Variants in PCDHGA3 observed in about 807,000 individuals in gnomAD.
PCDHGA3 encodes the protein protocadherin gamma subfamily A, 3.
In PCDHGA3, 40 loss-of-function variants were observed where a neutral mutation model predicts 58.5. The ratio of observed to expected loss-of-function variants is 0.68; its 90% CI spans 0.53 to 0.89. PCDHGA3 has a LOEUF of 0.89. Ranked by LOEUF, PCDHGA3 falls within the 40% of genes least tolerant of loss-of-function variation. The pLI is 0.00. For synonymous variants in PCDHGA3, 530 were observed against 525.7 expected (o/e 1.01, Z -0.11); for missense variants, 1,223 against 1,195.9 (o/e 1.02, Z -0.33).
rs761668802 is a variant in PCDHGA3, at chr5:141,362,348, G to C, written c.2424+15891G>C. ...GGTCTCAGCTCCAAGCCTGGACCTG[G>C]GGTTCTCCCCAATTACAGTGAGGGT... On this transcript the variant is annotated intron_variant, in intron 1 of 3. Transcript: ENST00000253812. 12 of 1,613,904 alleles carry C rather than the reference G, an allele frequency of 7.4e-6. No homozygotes were observed. The highest frequency in any genetic ancestry group is 1.3e-5 in the African/African-American group (1 of 74,934).
At chr5:141,498,971 GGGAAGGAA>G (rs201769957) in intron 2 of PCDHGA3, among the ~76,000 whole-genome samples, 18,877 of 110,786 alleles carry the variant, frequency 0.17, 1,784 homozygotes, top group Admixed American at 0.31. Context: ...GAGGGAGGGA[GGGAAGGAA>G]GGAAGGAAGG....
At chr5:141,392,776 C>T in intron 1 of PCDHGA3, 1 of 1,526,772 alleles carries the variant, frequency 6.5e-7, no homozygotes, top group African/African-American at 1.4e-5. Flanking sequence ...CATTTATGCA[C>T]AGTGAAGATT....
Position 141,477,983 on chromosome 5 carries a change from C to T in PCDHGA3, c.2425-16824C>T. 1 of 1,614,126 alleles carries T rather than the reference C, an allele frequency of 6.2e-7. No individual in the cohort carries two copies. Among genetic ancestry groups the T allele is most frequent in the Non-Finnish European group, 8.5e-7 (1 of 1,180,024 alleles). ...TAACCAGAGCCTTTTTGCCATAGGGCTGCACACTGGTCAAATCAGTACTGC... is the reference window on the plus strand; with the variant it reads ...TAACCAGAGCCTTTTTGCCATAGGGTTGCACACTGGTCAAATCAGTACTGC... On this transcript the variant is annotated intron_variant, in intron 1 of 3. Coordinates refer to ENST00000253812, the MANE Select transcript of PCDHGA3 (RefSeq NM_018916.4). The surrounding 1 kb of genome is among the most constrained non-coding windows in gnomAD (Gnocchi z 4.9).
chr5:141,355,538 C>T lies in PCDHGA3; in HGVS notation c.2424+9081C>T, dbSNP rs757292300. On this transcript the variant is annotated intron_variant, in intron 1 of 3. Coordinates refer to ENST00000253812, the MANE Select transcript of PCDHGA3 (RefSeq NM_018916.4). ...AACCTGGAGATTCTTCTAGAAGATA[C>T]AGTGAAGATTTTGCGGGTAGAGGTG... The T allele has an allele frequency of 6.2e-6, 10 of 1,614,004 alleles. No individual in the cohort carries two copies. The South Asian group carries it at 7.7e-5, about 12-fold the overall frequency.
chr5:141,398,197 T>G lies in PCDHGA3; in HGVS notation c.2424+51740T>G, dbSNP rs1317220760. On this transcript the variant is annotated intron_variant, in intron 1 of 3. Transcript: ENST00000253812. Reference sequence around the variant, plus strand: ...AGTGCTCTTTCTCTTCCTGCTGTCTTTGTTCTGCCCGGCGCTCTGTGAGCA... The same window carrying G: ...AGTGCTCTTTCTCTTCCTGCTGTCTGTGTTCTGCCCGGCGCTCTGTGAGCA... 2.7e-6 allele frequency: 4 copies of G among 1,492,294 alleles called. No homozygotes were observed. The African/African-American group carries it at 4.2e-5, about 16-fold the overall frequency. The allele number at this position is 1,492,294 out of a possible 1,614,324, so 92.4% of individuals were successfully genotyped here.
rs748440631 is a variant in PCDHGA3, at chr5:141,344,409, A to T, written c.376A>T (p.Ile126Phe). The change falls in exon 1 of 4, where the codon ATT becomes TTT. Residue 126 changes from isoleucine to phenylalanine, a missense_variant. This residue lies in a region of PCDHGA3 where 791 missense variants were observed against 708.5 expected (regional missense o/e 1.12). Transcript: ENST00000253812. ...IFEVEIEIKD[I>F]NDNAPNFPTE... The stretch of plus-strand genomic sequence containing the variant: ...TGAAGTAGAAATAGAAATTAAAGAT[A>T]TTAATGATAATGCTCCTAATTTCCC... 2.5e-6 allele frequency: 4 copies of T among 1,612,176 alleles called. No individual in the cohort carries two copies. Among genetic ancestry groups the T allele is most frequent in the Non-Finnish European group, 3.4e-6 (4 of 1,178,922 alleles).
intron 1 of PCDHGA3, chr5:141,389,469 A>G: frequency 6.2e-7 from 1 of 1,613,246 alleles, no homozygotes; most frequent in Non-Finnish European, 8.5e-7. Flanking sequence ...CTTCGAACTC[A>G]CACTGCAGGC....
rs1379095967 is a variant in PCDHGA3 at position 141,422,752 on chromosome 5, A to C, written c.2425-72055A>C. The C allele has an allele frequency of 6.2e-7, 1 of 1,612,064 alleles. No homozygotes were observed. The highest frequency in any genetic ancestry group is 1.3e-5 in the African/African-American group (1 of 74,892). On this transcript the variant is annotated intron_variant, in intron 1 of 3. Transcript: ENST00000253812. The stretch of plus-strand genomic sequence containing the variant: ...GCCTCTGTCCTCCTATGTCTCTATT[A>C]ACTCCAACACTGGTGTTCTCTATGC...
Position 141,485,746 on chromosome 5 carries a change from C to T in PCDHGA3, c.2425-9061C>T, listed in dbSNP as rs1297635523. ...AGAAGCGCAGCGACGGCAGCCTGGT[C>T]CCAGAGCTGCTCCTGGAGAAGCCTT... On this transcript the variant is annotated intron_variant, in intron 1 of 3. Coordinates refer to ENST00000253812, the MANE Select transcript of PCDHGA3 (RefSeq NM_018916.4). The surrounding 1 kb of genome is among the most constrained non-coding windows in gnomAD (Gnocchi z 5.7). 6.2e-7 allele frequency: 1 copy of T among 1,614,128 alleles called. No individual in the cohort carries two copies. The highest frequency in any genetic ancestry group is 2.2e-5 in the East Asian group (1 of 44,880).
intron 1 of PCDHGA3, among the ~76,000 whole-genome samples, chr5:141,382,187 A>G (rs527857463): frequency 6.6e-6 from 1 of 152,216 alleles, no homozygotes; most frequent in Non-Finnish European, 1.5e-5. Flanking sequence ...AAGGTTCTAT[A>G]CAATCAAAAA....
At position 141,372,292 on chromosome 5, in the gene PCDHGA3, G is replaced by A. The variant is rs1768614066; in HGVS notation, c.2424+25835G>A. The A allele has an allele frequency of 4.3e-6, 7 of 1,613,164 alleles. No homozygotes were observed. The African/African-American group carries it at 5.3e-5, about 12-fold the overall frequency. ...GAGGTGCGCACGGCGCGTACCTTGGGCGACAGGGAGGCCGCCCGCCAGCGC... is the reference window on the plus strand; with the variant it reads ...GAGGTGCGCACGGCGCGTACCTTGGACGACAGGGAGGCCGCCCGCCAGCGC... On this transcript the variant is annotated intron_variant, in intron 1 of 3. Transcript: ENST00000253812.
chr5:141,414,597 C>T, intron 1 of PCDHGA3: 5 of 1,613,972 alleles, frequency 3.1e-6, no homozygotes, highest in Non-Finnish European at 3.4e-6. Flanking sequence ...GGGGTGCCTC[C>T]ATCTTCTCAG....
At chr5:141,410,473 A>G (rs1347318074) in intron 1 of PCDHGA3, 1 of 1,614,028 alleles carries the variant, frequency 6.2e-7, no homozygotes, top group East Asian at 2.2e-5. Context: ...TGTGCATTGC[A>G]CATACGGGTA....
chr5:141,390,300 T>C, intron 1 of PCDHGA3: 2 of 1,613,822 alleles, frequency 1.2e-6, no homozygotes, highest in Non-Finnish European at 1.7e-6. Flanking sequence ...CCTTTAAGTA[T>C]AATTTAATGC....
chr5:141,505,434 A>C lies in PCDHGA3; in HGVS notation c.2525A>C (p.Gln842Pro), dbSNP rs1417754900. 1 of 1,614,198 alleles carries C rather than the reference A, an allele frequency of 6.2e-7. No homozygotes were observed. The highest frequency in any genetic ancestry group is 1.7e-5 in the Admixed American group (1 of 60,032). The change falls in exon 3 of 4, where the codon CAG (glutamine) becomes CCG (proline). Residue 842 changes from glutamine (Q) to proline (P), a missense_variant. Gln to Pro is a moderately conservative substitution (Grantham distance 76). Around this residue, in one of 3 missense-constraint regions of PCDHGA3, gnomAD observed 325 missense variants for 327.5 expected, o/e 0.99. Coordinates refer to ENST00000253812, the MANE Select transcript of PCDHGA3 (RefSeq NM_018916.4). ...GACACCGGCACCTGGCCCAACAACCAGTTTGACACAGAGATGCTGCAAGCC... is the reference window on the plus strand; with the variant it reads ...GACACCGGCACCTGGCCCAACAACCCGTTTGACACAGAGATGCTGCAAGCC... ...GDDTGTWPNN[Q>P]FDTEMLQAMI...
At chr5:141,375,902 C>T (rs890373642) in intron 1 of PCDHGA3, 5 of 1,613,666 alleles carry the variant, frequency 3.1e-6, no homozygotes, top group African/African-American at 1.3e-5. Context: ...GCTGTCCTAC[C>T]GCCTGCTCAA....
At position 141,345,499 on chromosome 5, in the gene PCDHGA3, A is replaced by C. The variant is rs755060552; in HGVS notation, c.1466A>C (p.Tyr489Ser). Residue 489 changes from tyrosine (Y) to serine (S), a missense_variant, in exon 1 of 4, where the codon TAT (tyrosine) becomes TCT (serine). By Grantham distance (144) the Tyr-to-Ser change is moderately radical. Coordinates refer to ENST00000253812, the MANE Select transcript of PCDHGA3 (RefSeq NM_018916.4). ...AGCAACAACAACGCCCGCATCACTT[A>C]TGCATTGACCGAGGACACTCTCCAG... ...PDSNNNARIT[Y>S]ALTEDTLQGA... is the part of the protein sequence containing the mutation. 4 of 1,614,018 alleles carry C rather than the reference A, an allele frequency of 2.5e-6. No homozygotes were observed. In the African/African-American group the frequency reaches 5.3e-5, roughly 22 times the overall value.
intron 1 of PCDHGA3, chr5:141,441,078 G>T (rs1443239760): frequency 2.0e-5 from 3 of 152,140 alleles, no homozygotes; most frequent in Non-Finnish European, 4.4e-5. Context: ...CCATGGTTTT[G>T]GTAGCAAGTG....
chr5:141,345,244 T>C lies in PCDHGA3; in HGVS notation c.1211T>C (p.Leu404Ser), dbSNP rs374182078. 2.5e-6 allele frequency: 4 copies of C among 1,613,848 alleles called. No individual in the cohort carries two copies. The highest frequency in any genetic ancestry group is 1.6e-4 in the Middle Eastern group (1 of 6,084). The change falls in exon 1 of 4, where the codon TTA becomes TCA. Residue 404 changes from leucine (L) to serine (S), a missense_variant. Around this residue, in one of 3 missense-constraint regions of PCDHGA3, gnomAD observed 791 missense variants for 708.5 expected, o/e 1.12. Transcript: ENST00000253812. ...LEKSIDQYYR[L>S]VTATSLDREQ... ...AAATCAATAGATCAATATTACCGCT[T>C]AGTGACGGCCACATCCCTGGACCGC...
Sources: allele counts gnomAD v4.1 joint callset (sites outside exome capture counted in the v4.1 genomes callset), GRCh38; gene constraint gnomAD v4.1.1; regional missense constraint gnomAD v4.1.1; non-coding constraint Gnocchi (gnomAD v3.1); transcripts MANE v1.5; gene names NCBI Gene and HGNC (gene_info 2026-07-23, HGNC 2026-07-21).